The following PSMA1 variants were observed in gnomAD, a reference collection of about 807,000 sequenced individuals.
The protein encoded by PSMA1 is proteasome subunit alpha type-1.
In PSMA1, 3 loss-of-function variants were observed where a neutral mutation model predicts 38.4. The ratio of observed to expected loss-of-function variants is 0.08; its 90% CI spans 0.04 to 0.20. The LOEUF is 0.20. PSMA1 is among the 10% of genes least tolerant of loss of function. PSMA1 has a pLI of 1.00. For missense variants in PSMA1, 227 were observed against 325.3 expected (o/e 0.70, Z 2.32); for synonymous variants, 101 against 107.1 (o/e 0.94, Z 0.35).
At position 14,641,120 on chromosome 11, in the gene PSMA1, A is replaced by G. The variant is rs372669369; in HGVS notation, c.-166+2335T>C. Among the ~76,000 whole-genome samples, 113 of 152,114 alleles carry G rather than the reference A, an allele frequency of 7.4e-4. 1 individual carries two copies. Among genetic ancestry groups the G allele is most frequent in the African/African-American group, 2.1e-3 (89 of 41,476 alleles). On this transcript the variant is annotated intron_variant, in intron 1 of 10. Transcript: ENST00000418988. ...TGCAGCAAACCACCACGGCACGTGT[A>G]TACCTATGTAACAAACCTGTACGTT... is the stretch of plus-strand genomic sequence containing the variant.
chr11:14,632,603 TTTCC>T (rs1820120730), intron 1 of PSMA1, among the ~76,000 whole-genome samples: 1 of 151,576 alleles, frequency 6.6e-6, no homozygotes, highest in Non-Finnish European at 1.5e-5. Context: ...CTTAACATTT[TTTCC>T]TTCATTTCAG....
At chr11:14,627,252 T>C (rs1192297589) in intron 1 of PSMA1, among the ~76,000 whole-genome samples, 1 of 152,204 alleles carries the variant, frequency 6.6e-6, no homozygotes, top group East Asian at 1.9e-4. Flanking sequence ...CATCATTAAG[T>C]ATGTTCAAAT....
intron 1 of PSMA1, among the ~76,000 whole-genome samples, chr11:14,639,568 T>C (rs1427188141): frequency 1.3e-5 from 2 of 152,202 alleles, no homozygotes; most frequent in Non-Finnish European, 1.5e-5. Context: ...ATTGCAGAGC[T>C]AGCCATGTAA....
chr11:14,631,310 T>A (rs899444911), intron 1 of PSMA1, among the ~76,000 whole-genome samples: 3 of 152,224 alleles, frequency 2.0e-5, no homozygotes, highest in Non-Finnish European at 4.4e-5. Flanking sequence ...TTTAGTGCAA[T>A]AAATTTCCCT....
At chr11:14,554,094 T>C (rs535689187) in intron 2 of PSMA1, among the ~76,000 whole-genome samples, 124 of 152,302 alleles carry the variant, frequency 8.1e-4, no homozygotes, top group Non-Finnish European at 1.3e-3. Flanking sequence ...TATTTGCCAT[T>C]TGTATATCCT....
At chr11:14,549,625 T>C (rs1276072371) in intron 2 of PSMA1, among the ~76,000 whole-genome samples, 1 of 147,116 alleles carries the variant, frequency 6.8e-6, no homozygotes, top group Non-Finnish European at 1.5e-5. Flanking sequence ...GGTGCGAACC[T>C]GGGAGGCAGA....
intron 1 of PSMA1, among the ~76,000 whole-genome samples, chr11:14,615,110 A>G (rs1250326051): frequency 6.6e-6 from 1 of 152,216 alleles, no homozygotes; most frequent in Admixed American, 6.5e-5. Flanking sequence ...TTGTATATCT[A>G]TGAGATATTG....
upstream of PSMA1, among the ~76,000 whole-genome samples, chr11:14,522,482 A>T (rs949718644): frequency 6.6e-6 from 1 of 152,192 alleles, no homozygotes; most frequent in Non-Finnish European, 1.5e-5. Flanking sequence ...TTAATATTCT[A>T]CGCTGCCTGA....
intron 2 of PSMA1, among the ~76,000 whole-genome samples, chr11:14,549,529 G>A (rs929344504): frequency 6.6e-6 from 1 of 151,838 alleles, no homozygotes; most frequent in Non-Finnish European, 1.5e-5. Context: ...TTGAAACCCT[G>A]TCTCTACTAA....
chr11:14,507,823 A>G (rs1418852921), intron 8 of PSMA1, 57 bp from the exon 9 acceptor site: 2 of 1,139,660 alleles, frequency 1.8e-6, no homozygotes, highest in African/African-American at 1.6e-5. Flanking sequence ...AAAAATACAT[A>G]CGATAAAATA....
chr11:14,507,622 T>C (rs748209339), intron 9 of PSMA1, 34 bp downstream of exon 9: 7 of 1,396,756 alleles, frequency 5.0e-6, no homozygotes, highest in Middle Eastern at 2.1e-4. Context: ...CAGCTTACAA[T>C]AGAACTAAAG....
At chr11:14,543,642 T>C (rs888471874) in intron 2 of PSMA1, among the ~76,000 whole-genome samples, 1 of 152,160 alleles carries the variant, frequency 6.6e-6, no homozygotes. Context: ...CCATTTTGGC[T>C]TTTATAAAAA....
At chr11:14,522,532 A>T (rs928245165), upstream of PSMA1, among the ~76,000 whole-genome samples, 2 of 152,226 alleles carry the variant, frequency 1.3e-5, no homozygotes, top group South Asian at 4.1e-4. Context: ...ACTGGATATT[A>T]TAAGTACTTT....
intron 2 of PSMA1, among the ~76,000 whole-genome samples, chr11:14,546,563 A>C (rs1274802528): frequency 2.0e-5 from 3 of 151,750 alleles, no homozygotes; most frequent in Non-Finnish European, 4.4e-5. Flanking sequence ...TCAGCCTCCC[A>C]AGTAGCTAGG....
Position 14,514,473 on chromosome 11 carries a change from C to T in PSMA1, c.273G>A (p.Glu91=), listed in dbSNP as rs368679260. Residue 91 remains glutamate, a synonymous_variant, in exon 5 of 10, where the codon GAG becomes GAA. Transcript: ENST00000396394. ...CGAATACAAATCTGGAATCCAAACACTCCTGACGCATAAAATTACTAAAAA... is the reference window on the plus strand; with the variant it reads ...CGAATACAAATCTGGAATCCAAACATTCCTGACGCATAAAATTACTAAAAA... The part of the protein sequence containing the change: ...ARLLCNFMRQ[E]CLDSRFVFDR... 9.9e-5 allele frequency: 156 copies of T among 1,570,050 alleles called. No homozygotes were observed. The highest frequency in any genetic ancestry group is 1.3e-4 in the Non-Finnish European group (146 of 1,164,700).
chr11:14,579,217 A>C (rs1390209422), intron 2 of PSMA1, among the ~76,000 whole-genome samples: 1 of 152,228 alleles, frequency 6.6e-6, no homozygotes, highest in Non-Finnish European at 1.5e-5. Flanking sequence ...AGAGGACAGA[A>C]GTCTGAAATC....
chr11:14,513,903 G>A lies in PSMA1; in HGVS notation c.344-16C>T, dbSNP rs375094912. 1.9e-5 allele frequency: 30 copies of A among 1,574,588 alleles called. No homozygotes were observed. The highest frequency in any genetic ancestry group is 2.8e-5 in the African/African-American group (2 of 72,614). On this transcript the variant is annotated splice_polypyrimidine_tract_variant and intron_variant, in intron 5 of 9. Coordinates refer to ENST00000396394, the MANE Select transcript of PSMA1 (RefSeq NM_002786.4). ...ATCTGGGTCTCTTAGACTGGTTAAC[G>A]AGCTTGTTTTAACAAGGAATGAAGT...
chr11:14,538,464 C>T (rs940256481), intron 2 of PSMA1, among the ~76,000 whole-genome samples: 41 of 152,336 alleles, frequency 2.7e-4, no homozygotes, highest in Admixed American at 5.2e-4. Context: ...CAAACCCTTC[C>T]TGCTGCCTTT....
chr11:14,529,833 C>T (rs1411516217), intron 2 of PSMA1, among the ~76,000 whole-genome samples: 2 of 152,156 alleles, frequency 1.3e-5, no homozygotes, highest in African/African-American at 4.8e-5. Context: ...TCTCATCCTT[C>T]TTTGTGAACC....
Sources: gnomAD v4.1 joint callset for allele counts (sites outside exome capture counted in the v4.1 genomes callset) on GRCh38, gnomAD v4.1.1 for gene constraint, MANE v1.5 for transcripts, NCBI Gene and HGNC (gene_info 2026-07-23, HGNC 2026-07-21) for gene names.